Variants in DGKZ observed in about 807,000 individuals in gnomAD.
DGKZ encodes DAG kinase zeta.
In DGKZ, 45 loss-of-function variants were observed where a neutral mutation model predicts 142.5. That is an observed-to-expected ratio of 0.32 (90% CI 0.25 to 0.40). The LOEUF (loss-of-function observed/expected upper bound fraction) is 0.40, where lower values mean the gene tolerates loss of function less well. Ranked by LOEUF, DGKZ falls within the 10% of genes least tolerant of loss-of-function variation. DGKZ has a pLI of 1.00. For synonymous variants in DGKZ, 442 were observed against 527.0 expected (o/e 0.84, Z 2.21); for missense variants, 755 against 1,306.5 (o/e 0.58, Z 6.51).
intron 1 of DGKZ, among the ~76,000 whole-genome samples, chr11:46,339,644 CGCACCAAGGG>C (rs911951671): frequency 6.6e-6 from 1 of 152,210 alleles, no homozygotes; most frequent in Admixed American, 6.5e-5. Context: ...CCCCAGTCCC[CGCACCAAGGG>C]GCACAGCCAC....
chr11:46,363,139 C>T (rs925988725), intron 1 of DGKZ, among the ~76,000 whole-genome samples: 2 of 152,228 alleles, frequency 1.3e-5, no homozygotes, highest in South Asian at 2.1e-4. Flanking sequence ...CGCAGAGCTG[C>T]GCTATGGGAG....
chr11:46,377,052 C>G (rs781459489), intron 24 of DGKZ, 21 bp from the exon 25 acceptor site: 41 of 1,610,212 alleles, frequency 2.5e-5, no homozygotes, highest in Non-Finnish European at 3.5e-5. Context: ...CCTGACCTCC[C>G]GCCCTGACCT....
chr11:46,335,071 T>G (rs1353464607), intron 1 of DGKZ, among the ~76,000 whole-genome samples: 1 of 152,052 alleles, frequency 6.6e-6, no homozygotes, highest in Non-Finnish European at 1.5e-5. Context: ...TCCAGCACTT[T>G]GGGAGGCCGA....
intron 30 of DGKZ, 82 bp downstream of exon 30, chr11:46,379,650 G>A: frequency 7.3e-7 from 1 of 1,371,328 alleles, no homozygotes; most frequent in Non-Finnish European, 9.9e-7. Context: ...GGGGCTGGGG[G>A]CTGTCCCTGG....
At position 46,367,171 on chromosome 11, in the gene DGKZ, G is replaced by C. The variant is rs1199347745; in HGVS notation, c.162-120G>C. The C allele has an allele frequency of 4.8e-6, 6 of 1,255,308 alleles. No individual in the cohort carries two copies. Among genetic ancestry groups the C allele is most frequent in the Non-Finnish European group, 6.8e-6 (6 of 880,402 alleles). 77.8% of individuals were successfully genotyped at this position (1,255,308 alleles called of 1,614,324 possible). A position where few individuals can be genotyped will look rare whatever the true frequency, so the allele number is the denominator to read the frequency against. The stretch of plus-strand genomic sequence containing the variant: ...GAGCCTCTTAGTGTCTGGGGCTGCT[G>C]GGAGGCTCCTCCGCCCTCCCTGTTG... On this transcript the variant is annotated intron_variant, in intron 1 of 30. Transcript: ENST00000527911. This position sits in a 1 kb window ranked among gnomAD's most constrained non-coding sequence, Gnocchi z 4.1.
chr11:46,353,766 G>A (rs1388707066), intron 1 of DGKZ, among the ~76,000 whole-genome samples: 1 of 152,156 alleles, frequency 6.6e-6, no homozygotes, highest in East Asian at 1.9e-4. Context: ...TCTACACTGA[G>A]ACCTCCTCCC....
At chr11:46,368,106 C>T (rs370625817) in intron 4 of DGKZ, 27 bp downstream of exon 4, 132 of 1,612,858 alleles carry the variant, frequency 8.2e-5, no homozygotes, top group Non-Finnish European at 1.1e-4. Context: ...GCTTTGCCCG[C>T]CCCTGCCCTT....
At chr11:46,366,570 G>A in intron 1 of DGKZ, 1 of 1,605,546 alleles carries the variant, frequency 6.2e-7, no homozygotes, top group Non-Finnish European at 8.5e-7. Flanking sequence ...CAGCTTCTGG[G>A]TGCACCCCTG....
chr11:46,333,105 C>G (rs1486138259), exon 1 of DGKZ: 2 of 502,512 alleles, frequency 4.0e-6, no homozygotes, highest in Non-Finnish European at 6.0e-6. Flanking sequence ...AGGCGCAGCG[C>G]CCAGCATCTC....
At chr11:46,333,197 G>C (rs2136370173) in exon 1 of DGKZ, 1 of 1,184,538 alleles carries the variant, frequency 8.4e-7, no homozygotes, top group South Asian at 3.8e-5. Flanking sequence ...TCGCGTCCCC[G>C]GCCCGGGCGG....
chr11:46,375,791 C>T lies in DGKZ; in HGVS notation c.1911-60C>T, dbSNP rs557897247. On this transcript the variant is annotated intron_variant, in intron 20 of 30. Transcript: ENST00000527911. ...CTCGGCAAGTGGTTTGGTGCCAGGC[C>T]GAGGGTGGCACCAAGGCAGGGCCCT... is the stretch of plus-strand genomic sequence containing the variant. 2.2e-5 allele frequency: 33 copies of T among 1,534,706 alleles called. No individual in the cohort carries two copies. The East Asian group carries it at 5.6e-4, about 26-fold the overall frequency.
chr11:46,369,257 C>T (rs1411642490), intron 4 of DGKZ: 4 of 588,866 alleles, frequency 6.8e-6, no homozygotes, highest in Non-Finnish European at 1.2e-5. Flanking sequence ...CTCCCAACCT[C>T]CCCCTCATCC....
chr11:46,345,476 G>A, upstream of DGKZ: 1 of 1,506,834 alleles, frequency 6.6e-7, no homozygotes, highest in Non-Finnish European at 8.9e-7. This position sits in a 1 kb window ranked among gnomAD's most constrained non-coding sequence, Gnocchi z 4.1. Flanking sequence ...TCTGGGCCCA[G>A]TGGAGGCGCT....
chr11:46,352,490 C>T (rs942938886), intron 1 of DGKZ, among the ~76,000 whole-genome samples: 3 of 152,198 alleles, frequency 2.0e-5, no homozygotes, highest in Non-Finnish European at 4.4e-5. Flanking sequence ...CCCCACCCCT[C>T]CCGTCCCCTG....
At chr11:46,376,007 G>A (rs1441399172) in intron 21 of DGKZ, 56 bp downstream of exon 21, 15 of 1,611,780 alleles carry the variant, frequency 9.3e-6, no homozygotes, top group East Asian at 2.2e-5. Context: ...AGCAGCCGGG[G>A]CCCCCTTGGG....
chr11:46,363,657 G>A lies in DGKZ; in HGVS notation c.162-3634G>A, dbSNP rs563702861. Among the ~76,000 whole-genome samples the A allele has an allele frequency of 4.0e-4, 61 of 152,336 alleles. 1 individual carries two copies. Among genetic ancestry groups the A allele is most frequent in the African/African-American group, 1.4e-3 (58 of 41,580 alleles). ...CCTCACCGCTGCCCACGGGTGCAGC[G>A]GCACCTCCCCCCACTGACTGTGGCC... On this transcript the variant is annotated intron_variant, in intron 1 of 30. Transcript: ENST00000527911.
exon 4 of DGKZ, chr11:46,368,065 G>C (rs769651085): frequency 6.2e-7 from 1 of 1,614,070 alleles, no homozygotes; most frequent in Non-Finnish European, 8.5e-7. Flanking sequence ...GCCCTGCATC[G>C]AGCAGCTGGA....
rs569142326 is a variant in DGKZ, at chr11:46,372,761, C to A, written c.1072-10C>A. ...GTGGGCCTGATTTGCCTCTGTTCTT[C>A]CTCCCCCAGGTGGGCTGGATCCTCT... is the stretch of plus-strand genomic sequence containing the variant. On this transcript the variant is annotated splice_polypyrimidine_tract_variant and intron_variant, in intron 12 of 30. Transcript: ENST00000527911. This position sits in a 1 kb window ranked among gnomAD's most constrained non-coding sequence, Gnocchi z 5.9. 5.0e-5 allele frequency: 81 copies of A among 1,607,970 alleles called. 1 individual carries two copies. In the East Asian group the frequency reaches 1.8e-3, roughly 35 times the overall value.
chr11:46,364,258 A>G (rs1039168559), intron 1 of DGKZ: 11 of 890,138 alleles, frequency 1.2e-5, no homozygotes, highest in Non-Finnish European at 1.6e-5. Flanking sequence ...CTCTGCGTCA[A>G]CTTCCTCATC....
Sources: gnomAD v4.1 joint callset for allele counts (sites outside exome capture counted in the v4.1 genomes callset) on GRCh38, gnomAD v4.1.1 for gene constraint, Gnocchi (gnomAD v3.1) non-coding constraint, MANE v1.5 for transcripts, NCBI Gene and HGNC (gene_info 2026-07-23, HGNC 2026-07-21) for gene names.